The following KIRREL3 variants were observed in gnomAD, a reference collection of about 807,000 sequenced individuals.
KIRREL3 encodes kin of IRRE-like protein 3.
A neutral mutation model predicts 89.7 loss-of-function variants in KIRREL3; 36 were observed. The ratio of observed to expected loss-of-function variants is 0.40; its 90% CI spans 0.31 to 0.53. The LOEUF (loss-of-function observed/expected upper bound fraction) is 0.53, where lower values mean the gene tolerates loss of function less well. Ranked by LOEUF, KIRREL3 falls within the 20% of genes least tolerant of loss-of-function variation. KIRREL3 has a pLI of 0.49. For synonymous variants in KIRREL3, 445 were observed against 441.4 expected (o/e 1.01, Z -0.10); for missense variants, 864 against 1,056.6 (o/e 0.82, Z 2.53).
intron 12 of KIRREL3, 64 bp downstream of exon 12, chr11:126,436,747 A>T: frequency 1.3e-6 from 2 of 1,569,244 alleles, no homozygotes. Flanking sequence ...GCCCTGACCT[A>T]GGTGAGGAGA....
At chr11:126,440,807 GGTGA>G (rs778200696) in intron 10 of KIRREL3, 2 of 564,054 alleles carry the variant, frequency 3.5e-6, no homozygotes, top group East Asian at 3.0e-5. Context: ...AATAAAAGGT[GGTGA>G]GTGTTAGTAC....
In KIRREL3 at chr11:126,490,951, A is replaced by G. The variant is rs924939479; in HGVS notation, c.434-17485T>C. Among the ~76,000 whole-genome samples, 3 of 152,172 alleles carry G rather than the reference A, an allele frequency of 2.0e-5. No individual in the cohort carries two copies. Among genetic ancestry groups the G allele is most frequent in the Non-Finnish European group, 2.9e-5 (2 of 68,014 alleles). ...ACAAATGCCTGAGGATCCACAGCCC[A>G]CCTGCACGAGGAGGGGGCGTTTGGA... On this transcript the variant is annotated intron_variant, in intron 4 of 16. Transcript: ENST00000525144. The surrounding 1 kb of genome is among the most constrained non-coding windows in gnomAD (Gnocchi z 4.2).
At chr11:126,542,933 C>T (rs918462583) in intron 2 of KIRREL3, among the ~76,000 whole-genome samples, 1 of 152,154 alleles carries the variant, frequency 6.6e-6, no homozygotes, top group African/African-American at 2.4e-5. Flanking sequence ...GGGATATTAA[C>T]CACAACTAAC....
chr11:126,821,776 G>A (rs949004075), intron 1 of KIRREL3, among the ~76,000 whole-genome samples: 7 of 152,094 alleles, frequency 4.6e-5, no homozygotes, highest in Admixed American at 2.0e-4. Context: ...GTTCAGGTCA[G>A]AATGACGCAG....
At chr11:126,848,231 T>G (rs548437590) in intron 1 of KIRREL3, among the ~76,000 whole-genome samples, 36 of 152,362 alleles carry the variant, frequency 2.4e-4, no homozygotes, top group Middle Eastern at 3.4e-3. Context: ...GAACAGAGTT[T>G]CATCAAAGCC....
rs1315818145 is a variant in KIRREL3, at chr11:126,652,145, G to A, written c.56-89233C>T. Reference sequence around the variant, plus strand: ...GAGGATTCCTTTAAAAAAACCCAAGGTTCTGGAGGTCACTGGCAGGCTGGA... The same window carrying A: ...GAGGATTCCTTTAAAAAAACCCAAGATTCTGGAGGTCACTGGCAGGCTGGA... On this transcript the variant is annotated intron_variant, in intron 1 of 16. Transcript: ENST00000525144. The surrounding 1 kb of genome is among the most constrained non-coding windows in gnomAD (Gnocchi z 4.9). Among the ~76,000 whole-genome samples, 9 of 152,098 alleles carry A rather than the reference G, an allele frequency of 5.9e-5. No homozygotes were observed. The highest frequency in any genetic ancestry group is 4.6e-4 in the Admixed American group (7 of 15,280).
intron 1 of KIRREL3, among the ~76,000 whole-genome samples, chr11:126,731,028 C>T (rs567908763): frequency 3.9e-5 from 6 of 152,262 alleles, no homozygotes; most frequent in East Asian, 3.9e-4. Flanking sequence ...CGTGAGCCAC[C>T]GCGCCCAGCC....
In KIRREL3 at chr11:126,628,254, C is replaced by T. The variant is rs777612667; in HGVS notation, c.56-65342G>A. Among the ~76,000 whole-genome samples, 4 of 152,194 alleles carry T rather than the reference C, an allele frequency of 2.6e-5. No homozygotes were observed. Among genetic ancestry groups the T allele is most frequent in the African/African-American group, 4.8e-5 (2 of 41,464 alleles). Reference sequence around the variant, plus strand: ...CTCACCACCCACCAATCCTGTCAGACTCTTTCTCTCCAGCCTGGCCTCGCC... The same window carrying T: ...CTCACCACCCACCAATCCTGTCAGATTCTTTCTCTCCAGCCTGGCCTCGCC... On this transcript the variant is annotated intron_variant, in intron 1 of 16. Coordinates refer to ENST00000525144, the MANE Select transcript of KIRREL3 (RefSeq NM_032531.4). This position sits in a 1 kb window ranked among gnomAD's most constrained non-coding sequence, Gnocchi z 5.2.
At position 126,565,045 on chromosome 11, in the gene KIRREL3, C is replaced by T. The variant is rs1350498317; in HGVS notation, c.56-2133G>A. Among the ~76,000 whole-genome samples the T allele has an allele frequency of 6.6e-6, 1 of 152,160 alleles. No individual in the cohort carries two copies. The highest frequency in any genetic ancestry group is 1.9e-4 in the East Asian group (1 of 5,190). The stretch of plus-strand genomic sequence containing the variant: ...GAGAAAGGGAGTTTGGGCTCCTGGA[C>T]TAAGCCCAAACTCAATCCAGGAGCT... On this transcript the variant is annotated intron_variant, in intron 1 of 16. Coordinates refer to ENST00000525144, the MANE Select transcript of KIRREL3 (RefSeq NM_032531.4). The surrounding 1 kb of genome is among the most constrained non-coding windows in gnomAD (Gnocchi z 5.4).
In KIRREL3 at chr11:126,843,380, G is replaced by C; in HGVS notation, c.55+157075C>G. ...GGTGCATGAGAAATGCTTCCAGTGA[G>C]TGAGATTTCATGGGAGGTTGGAGTG... On this transcript the variant is annotated intron_variant, in intron 1 of 16. Transcript: ENST00000525144. The surrounding 1 kb of genome is among the most constrained non-coding windows in gnomAD (Gnocchi z 4.6). 6.6e-6 allele frequency among the ~76,000 whole-genome samples: 1 copy of C among 152,128 alleles called. No homozygotes were observed. The highest frequency in any genetic ancestry group is 1.9e-4 in the East Asian group (1 of 5,174).
rs1950278945 is a variant in KIRREL3 at position 127,000,064 on chromosome 11, TC to T, written c.55+390del. On this transcript the variant is annotated intron_variant, in intron 1 of 16. Transcript: ENST00000525144. This position sits in a 1 kb window ranked among gnomAD's most constrained non-coding sequence, Gnocchi z 7.1. Reference sequence around the variant, plus strand: ...ATATCCACCTAAACCAAGCTCTCCCTCCCTGCCGTCTCCTTCCCTGGCCTGG... The same window carrying T: ...ATATCCACCTAAACCAAGCTCTCCCTCCTGCCGTCTCCTTCCCTGGCCTGG... 6.6e-6 allele frequency among the ~76,000 whole-genome samples: 1 copy of T among 152,058 alleles called. No individual in the cohort carries two copies. The highest frequency in any genetic ancestry group is 2.1e-4 in the South Asian group (1 of 4,802).
intron 2 of KIRREL3, among the ~76,000 whole-genome samples, chr11:126,560,782 G>C (rs1039372170): frequency 2.6e-5 from 4 of 152,178 alleles, no homozygotes; most frequent in African/African-American, 9.7e-5. Flanking sequence ...TTTAAGGGAA[G>C]AAGAAGCTAA....
intron 1 of KIRREL3, among the ~76,000 whole-genome samples, chr11:126,625,690 C>T (rs560548666): frequency 2.6e-5 from 4 of 152,244 alleles, no homozygotes; most frequent in African/African-American, 9.6e-5. Flanking sequence ...ATGCTCTTTG[C>T]CCCCTGAATA....
rs533119569 is a variant in KIRREL3, at chr11:126,977,865, T to C, written c.55+22590A>G. ...GGCTGGAACTGGCTCCTGTGCCTGATGTATGGTTGATATTTTGGATCAGGA... is the reference window on the plus strand; with the variant it reads ...GGCTGGAACTGGCTCCTGTGCCTGACGTATGGTTGATATTTTGGATCAGGA... On this transcript the variant is annotated intron_variant, in intron 1 of 16. Coordinates refer to ENST00000525144, the MANE Select transcript of KIRREL3 (RefSeq NM_032531.4). The surrounding 1 kb of genome is among the most constrained non-coding windows in gnomAD (Gnocchi z 4.7). Among the ~76,000 whole-genome samples, 2 of 152,290 alleles carry C rather than the reference T, an allele frequency of 1.3e-5. No individual in the cohort carries two copies. Among genetic ancestry groups the C allele is most frequent in the Non-Finnish European group, 2.9e-5 (2 of 68,024 alleles).
At position 126,739,758 on chromosome 11, in the gene KIRREL3, AAC is replaced by A. The variant is rs1948918105; in HGVS notation, c.56-176848_56-176847del. ...AAACACCTAAAGGAGAACCGTAGCC[AAC>A]ACTGCAAATCAGGCAGCATGTATCA... On this transcript the variant is annotated intron_variant, in intron 1 of 16. Coordinates refer to ENST00000525144, the MANE Select transcript of KIRREL3 (RefSeq NM_032531.4). This position sits in a 1 kb window ranked among gnomAD's most constrained non-coding sequence, Gnocchi z 5.5. Among the ~76,000 whole-genome samples the A allele has an allele frequency of 6.6e-6, 1 of 152,234 alleles. No homozygotes were observed. Among genetic ancestry groups the A allele is most frequent in the Admixed American group, 6.5e-5 (1 of 15,284 alleles).
chr11:126,471,009 T>C lies in KIRREL3; in HGVS notation c.591+2300A>G, dbSNP rs1468569197. On this transcript the variant is annotated intron_variant, in intron 5 of 16. Transcript: ENST00000525144. The surrounding 1 kb of genome is among the most constrained non-coding windows in gnomAD (Gnocchi z 5.4). ...GCTGTTTAAAAATGTACCCAGAATT[T>C]TGTTTTTATTCAGGTAGAGGGAGGC... 6.6e-6 allele frequency among the ~76,000 whole-genome samples: 1 copy of C among 152,160 alleles called. No individual in the cohort carries two copies. Among genetic ancestry groups the C allele is most frequent in the Non-Finnish European group, 1.5e-5 (1 of 68,034 alleles).
chr11:126,957,187 C>T (rs894697189), intron 1 of KIRREL3, among the ~76,000 whole-genome samples: 8 of 152,200 alleles, frequency 5.3e-5, no homozygotes, highest in African/African-American at 1.4e-4. Context: ...CTCTTCTACA[C>T]ATCACAAGGC....
Position 126,689,045 on chromosome 11 carries a change from AGAGAG to A in KIRREL3, c.56-126138_56-126134del, listed in dbSNP as rs1565651745. 4.3e-3 allele frequency among the ~76,000 whole-genome samples: 463 copies of A among 108,318 alleles called. 3 individuals are homozygous for A. Among genetic ancestry groups the A allele is most frequent in the African/African-American group, 0.019 (441 of 22,796 alleles). The allele number at this position is 108,318 out of a possible 152,430, so 71.1% of individuals were successfully genotyped here. A position where few individuals can be genotyped will look rare whatever the true frequency, so the allele number is the denominator to read the frequency against. On this transcript the variant is annotated intron_variant, in intron 1 of 16. Coordinates refer to ENST00000525144, the MANE Select transcript of KIRREL3 (RefSeq NM_032531.4). The surrounding 1 kb of genome is among the most constrained non-coding windows in gnomAD (Gnocchi z 5.2). ...TGTGTGTGTGTAAGGGGGAGAGAAG[AGAGAG>A]AGAGAGAGAGAGAGAGAGAGAGAGA...
chr11:126,439,344 G>GA (rs928576354), intron 11 of KIRREL3, among the ~76,000 whole-genome samples: 4 of 150,378 alleles, frequency 2.7e-5, no homozygotes, highest in South Asian at 2.2e-4. Flanking sequence ...AAGAAAGAGG[G>GA]AAAAAAAGAC....
Sources: gnomAD v4.1 joint callset for allele counts (sites outside exome capture counted in the v4.1 genomes callset) on GRCh38, gnomAD v4.1.1 for gene constraint, Gnocchi (gnomAD v3.1) non-coding constraint, MANE v1.5 for transcripts, NCBI Gene and HGNC (gene_info 2026-07-23, HGNC 2026-07-21) for gene names.